GPHN: variants seen among roughly 807,000 people sequenced by gnomAD.
GPHN encodes the protein gephyrin.
GPHN carries 17 observed loss-of-function variants against 95.5 expected under a neutral mutation model. The ratio of observed to expected loss-of-function variants is 0.18; its 90% CI spans 0.12 to 0.27. The LOEUF is 0.27. GPHN is among the 10% of genes least tolerant of loss of function. GPHN has a pLI of 1.00. For synonymous variants in GPHN, 320 were observed against 322.5 expected (o/e 0.99, Z 0.08); for missense variants, 660 against 978.1 (o/e 0.67, Z 4.34).
the GPHN span, chr14:67,587,126 CTG>C: frequency 2.5e-6 from 4 of 1,613,790 alleles, no homozygotes; most frequent in African/African-American, 4.0e-5. Context: ...TGCACTACAA[CTG>C]TGAACCCCCC....
chr14:67,305,285 CAT>C, the GPHN span, among the ~76,000 whole-genome samples: 1 of 151,828 alleles, frequency 6.6e-6, no homozygotes, highest in African/African-American at 2.4e-5. Context: ...GAAGTTAAGA[CAT>C]TTTTTTTTTT....
At chr14:67,157,995 T>C (rs1034760249) in intron 18 of GPHN, among the ~76,000 whole-genome samples, 2 of 151,566 alleles carry the variant, frequency 1.3e-5, no homozygotes, top group African/African-American at 4.9e-5. Flanking sequence ...CTAGAAAATA[T>C]AGGAATATTT....
At chr14:67,168,802 G>A (rs1390711430) in intron 20 of GPHN, 131 bp from the exon 21 acceptor site, 1 of 713,320 alleles carries the variant, frequency 1.4e-6, no homozygotes, top group Non-Finnish European at 2.6e-6. Context: ...TGGATTCAAG[G>A]TGATTCAGAA....
chr14:66,734,167 G>C (rs2072046902), intron 2 of GPHN, among the ~76,000 whole-genome samples: 1 of 152,016 alleles, frequency 6.6e-6, no homozygotes, highest in Admixed American at 6.6e-5. Flanking sequence ...CCGTAAATCA[G>C]ACCATGACAT....
chr14:66,518,579 C>CA (rs1363775909), intron 1 of GPHN, among the ~76,000 whole-genome samples: 1 of 152,094 alleles, frequency 6.6e-6, no homozygotes, highest in African/African-American at 2.4e-5. Flanking sequence ...GATATAGACT[C>CA]AATCTAGGTG....
intron 1 of GPHN, among the ~76,000 whole-genome samples, chr14:66,587,959 A>T (rs1482759705): frequency 1.3e-5 from 2 of 152,188 alleles, no homozygotes; most frequent in African/African-American, 4.8e-5. Context: ...CCTCCCAGCA[A>T]GGGTTGACAG....
the GPHN span, among the ~76,000 whole-genome samples, chr14:67,468,911 A>ATT: frequency 1.4e-5 from 2 of 147,642 alleles, no homozygotes; most frequent in African/African-American, 5.0e-5. Flanking sequence ...AATAATAATA[A>ATT]TTTTTTTTAA....
the GPHN span, among the ~76,000 whole-genome samples, chr14:67,437,690 T>C: frequency 4.0e-5 from 6 of 151,790 alleles, no homozygotes; most frequent in South Asian, 8.4e-4. Context: ...ATGAGATGTA[T>C]TTGGGAGGTT....
the GPHN span, chr14:67,574,179 C>T: frequency 6.7e-5 from 97 of 1,446,400 alleles, no homozygotes; most frequent in South Asian, 6.5e-4. This position sits in a 1 kb window ranked among gnomAD's most constrained non-coding sequence, Gnocchi z 4.2. Context: ...CACCTCGGAG[C>T]CAGGTCCTGG....
the GPHN span, among the ~76,000 whole-genome samples, chr14:67,663,401 C>T: frequency 0.012 from 1,775 of 152,094 alleles, 35 homozygotes; most frequent in African/African-American, 0.041. Flanking sequence ...AGGCTGGGCA[C>T]GGTGACTCAC....
intron 17 of GPHN, among the ~76,000 whole-genome samples, chr14:67,142,611 C>T (rs1356972168): frequency 6.6e-6 from 1 of 152,152 alleles, no homozygotes; most frequent in African/African-American, 2.4e-5. Flanking sequence ...TCCTTTTCCC[C>T]CTACCTTTTC....
At chr14:67,302,297 T>C in the GPHN span, 1 of 1,080,962 alleles carries the variant, frequency 9.3e-7, no homozygotes, top group Non-Finnish European at 1.2e-6. Flanking sequence ...AAATTTTTTC[T>C]TAAGATAACT....
chr14:67,544,659 T>C, the GPHN span, among the ~76,000 whole-genome samples: 1 of 152,330 alleles, frequency 6.6e-6, no homozygotes, highest in East Asian at 1.9e-4. Context: ...AACAAGACAC[T>C]ACCTAAAAAG....
At chr14:66,558,531 G>A (rs1220501624) in intron 1 of GPHN, among the ~76,000 whole-genome samples, 1 of 151,840 alleles carries the variant, frequency 6.6e-6, no homozygotes, top group South Asian at 2.1e-4. Context: ...TTATGTCATA[G>A]GCCTCCATTC....
intron 8 of GPHN, among the ~76,000 whole-genome samples, chr14:66,949,490 C>G (rs1310906300): frequency 1.3e-5 from 2 of 152,104 alleles, no homozygotes; most frequent in Non-Finnish European, 2.9e-5. Flanking sequence ...TTAATGATCT[C>G]TAAAAAGAGA....
chr14:67,554,233 G>T, the GPHN span, among the ~76,000 whole-genome samples: 3 of 152,174 alleles, frequency 2.0e-5, no homozygotes, highest in Non-Finnish European at 4.4e-5. Flanking sequence ...GCAGGCTGGG[G>T]GGTCCTGCTC....
At chr14:67,107,048 C>G (rs2078080384) in intron 13 of GPHN, among the ~76,000 whole-genome samples, 1 of 151,652 alleles carries the variant, frequency 6.6e-6, no homozygotes, top group African/African-American at 2.4e-5. Flanking sequence ...ATGGTGTAGT[C>G]TCCTTGCAGC....
the GPHN span, among the ~76,000 whole-genome samples, chr14:67,419,494 C>T: frequency 1.3e-5 from 2 of 152,314 alleles, no homozygotes; most frequent in South Asian, 4.1e-4. Context: ...GTGCAGTCTG[C>T]GTTCAACTAC....
At chr14:67,454,236 C>T in the GPHN span, 1 of 152,208 alleles carries the variant, frequency 6.6e-6, no homozygotes, top group Non-Finnish European at 1.5e-5. Context: ...TAGAACAATG[C>T]TTGACACAAA....
Sources: allele counts gnomAD v4.1 joint callset (sites outside exome capture counted in the v4.1 genomes callset), GRCh38; gene constraint gnomAD v4.1.1; non-coding constraint Gnocchi (gnomAD v3.1); transcripts MANE v1.5; gene names NCBI Gene and HGNC (gene_info 2026-07-23, HGNC 2026-07-21).